Variants in NAV1 observed in about 807,000 individuals in gnomAD.
The protein encoded by NAV1 is pore membrane and/or filament interacting like protein 3.
NAV1 carries 18 observed loss-of-function variants against 175.2 expected under a neutral mutation model. That is an observed-to-expected ratio of 0.10 (90% CI 0.07 to 0.15). The LOEUF (loss-of-function observed/expected upper bound fraction) is 0.15. Ranked by LOEUF, NAV1 falls within the 10% of genes least tolerant of loss-of-function variation. The probability of loss-of-function intolerance (pLI) is 1.00; values close to 1 mark genes in which losing one functional copy is unlikely to be tolerated. For synonymous variants in NAV1, 897 were observed against 978.7 expected, an observed-to-expected ratio of 0.92 and a Z score of 1.56; for missense variants, 1,731 against 2,436.6, an observed-to-expected ratio of 0.71 and a Z score of 6.10.
chr1:201,704,935 A>G (rs1367267103), intron 1 of NAV1, among the ~76,000 whole-genome samples: 1 of 152,166 alleles, frequency 6.6e-6, no homozygotes, highest in African/African-American at 2.4e-5. Flanking sequence ...GAAGTAATTC[A>G]CCCTAGCTCC....
At chr1:201,681,595 CTG>C (rs1255248056) in intron 1 of NAV1, among the ~76,000 whole-genome samples, 21 of 152,346 alleles carry the variant, frequency 1.4e-4, no homozygotes, top group African/African-American at 4.6e-4. Context: ...TTTCTGGCCT[CTG>C]TGTCTTGGAT....
At chr1:201,746,878 C>T (rs1673801573) in intron 3 of NAV1, among the ~76,000 whole-genome samples, 1 of 152,008 alleles carries the variant, frequency 6.6e-6, no homozygotes, top group South Asian at 2.1e-4. Context: ...GTGGCACACG[C>T]CTGTAGTTCC....
chr1:201,739,743 C>G (rs929000072), intron 3 of NAV1: 1 of 1,171,654 alleles, frequency 8.5e-7, no homozygotes, highest in Admixed American at 4.6e-5. Context: ...TCTACCTGCT[C>G]TGGGTGTTAA....
rs552785224 is a variant in NAV1 at position 201,677,864 on chromosome 1, A to T, written c.757+28439A>T. The stretch of plus-strand genomic sequence containing the variant: ...AGGCTGGTCTCAAACTTCTGAGCTC[A>T]AGCAGTTTGCCCACCTCGGCTTCCC... On this transcript the variant is annotated intron_variant, in intron 1 of 29. Transcript: ENST00000367296. Among the ~76,000 whole-genome samples, 8 of 152,196 alleles carry T rather than the reference A, an allele frequency of 5.3e-5. No homozygotes were observed. In the East Asian group the frequency reaches 1.6e-3, roughly 30 times the overall value.
chr1:201,742,371 T>G (rs1673478179), intron 3 of NAV1, among the ~76,000 whole-genome samples: 1 of 152,192 alleles, frequency 6.6e-6, no homozygotes, highest in Non-Finnish European at 1.5e-5. Flanking sequence ...GACCAGCTCT[T>G]GATGAGTGAG....
chr1:201,655,669 G>A (rs1022882132), intron 1 of NAV1, among the ~76,000 whole-genome samples: 3 of 152,208 alleles, frequency 2.0e-5, no homozygotes, highest in Non-Finnish European at 2.9e-5. Context: ...GAGATCGGGG[G>A]CAGACTGGGA....
At chr1:201,572,775 G>A (rs1411219970) in intron 1 of NAV1, among the ~76,000 whole-genome samples, 2 of 152,222 alleles carry the variant, frequency 1.3e-5, no homozygotes, top group African/African-American at 4.8e-5. Context: ...AGGCAGCTAA[G>A]TGGCCTGCTC....
chr1:201,801,756 G>T (rs1677880882), intron 15 of NAV1, among the ~76,000 whole-genome samples: 1 of 152,070 alleles, frequency 6.6e-6, no homozygotes, highest in Non-Finnish European at 1.5e-5. Context: ...AAATAAAAAG[G>T]ATTTTAAAAA....
chr1:201,762,730 G>A (rs903360457), intron 3 of NAV1, among the ~76,000 whole-genome samples: 1 of 152,196 alleles, frequency 6.6e-6, no homozygotes, highest in African/African-American at 2.4e-5. Flanking sequence ...ACTTTTCGGA[G>A]TATTGTCAAT....
Position 201,539,867 on chromosome 1 carries a change from C to T in NAV1, c.-144+525C>T, listed in dbSNP as rs989603839. Among the ~76,000 whole-genome samples the T allele has an allele frequency of 8.5e-5, 13 of 152,164 alleles. No individual in the cohort carries two copies. Among genetic ancestry groups the T allele is most frequent in the Non-Finnish European group, 1.3e-4 (9 of 68,032 alleles). On this transcript the variant is annotated intron_variant, in intron 1 of 33. Coordinates refer to the NAV1 transcript ENST00000685211. The surrounding 1 kb of genome is among the most constrained non-coding windows in gnomAD (Gnocchi z 5.6). Reference sequence around the variant, plus strand: ...GCCGTTCCAGAAAACGTTCCCCGCACCCCCGGGATGCGCCGGGAAGCGCCC... The same window carrying T: ...GCCGTTCCAGAAAACGTTCCCCGCATCCCCGGGATGCGCCGGGAAGCGCCC...
At chr1:201,653,932 C>A (rs1399967738) in intron 1 of NAV1, among the ~76,000 whole-genome samples, 1 of 152,246 alleles carries the variant, frequency 6.6e-6, no homozygotes, top group East Asian at 1.9e-4. Context: ...AATAATATTT[C>A]TTTTCTCACC....
rs140792094 is a variant in NAV1, at chr1:201,648,914, C to T, written c.246C>T (p.Ala82=). 1.1e-5 allele frequency: 17 copies of T among 1,612,818 alleles called. No homozygotes were observed. The Middle Eastern group carries it at 8.2e-4, about 78-fold the overall frequency. Reference sequence around the variant, plus strand: ...GCCGTGTCCCCGGCGGGCCGCCCGCCTCCAACCTGCGCAAGCAGAAGTCAC... The same window carrying T: ...GCCGTGTCCCCGGCGGGCCGCCCGCTTCCAACCTGCGCAAGCAGAAGTCAC... Residue 82 remains alanine, a synonymous_variant, in exon 1 of 30, where the codon GCC becomes GCT. Coordinates refer to ENST00000367296, the Ensembl canonical transcript of NAV1.
chr1:201,642,529 C>CTTTT lies in NAV1; in HGVS notation c.5-6102_5-6101insTTTT, dbSNP rs1553247060. On this transcript the variant is annotated intron_variant, in intron 2 of 29. Transcript: ENST00000367302. Reference sequence around the variant, plus strand: ...ACCCGGCCTCTTTCTTTCTTTTTTTCTTTCTTTCTTTCTTTCTTTCTTTCT... The same window carrying CTTTT: ...ACCCGGCCTCTTTCTTTCTTTTTTTCTTTTTTTCTTTCTTTCTTTCTTTCTTTCT... 2.3e-3 allele frequency among the ~76,000 whole-genome samples: 227 copies of CTTTT among 99,170 alleles called. 2 individuals carry two copies. Among genetic ancestry groups the CTTTT allele is most frequent in the African/African-American group, 8.9e-3 (181 of 20,340 alleles). 65.1% of individuals were successfully genotyped at this position (99,170 alleles called of 152,430 possible).
upstream of NAV1, among the ~76,000 whole-genome samples, chr1:201,643,375 T>C (rs190907128): frequency 1.1e-4 from 16 of 148,480 alleles, 1 homozygote; most frequent in African/African-American, 4.1e-4. Context: ...TTTCTTTCTT[T>C]CTTTTTCCTC....
At chr1:201,570,174 A>G (rs12087027) in intron 1 of NAV1, among the ~76,000 whole-genome samples, 30,256 of 151,854 alleles carry the variant, frequency 0.2, 3,443 homozygotes, top group African/African-American at 0.32. Flanking sequence ...AAGGAAGCAG[A>G]CTCTCTCCCC....
intron 1 of NAV1, among the ~76,000 whole-genome samples, chr1:201,548,730 A>C (rs959953386): frequency 6.6e-6 from 1 of 152,258 alleles, no homozygotes; most frequent in Non-Finnish European, 1.5e-5. Context: ...TCAAAGGTAC[A>C]AGATAACTCA....
At chr1:201,567,889 G>T (rs1026485185) in intron 1 of NAV1, among the ~76,000 whole-genome samples, 1 of 152,082 alleles carries the variant, frequency 6.6e-6, no homozygotes, top group Non-Finnish European at 1.5e-5. Flanking sequence ...TCTCTATGTG[G>T]CACGGAGCAA....
intron 3 of NAV1, among the ~76,000 whole-genome samples, chr1:201,768,467 G>C (rs556721215): frequency 2.7e-4 from 41 of 151,938 alleles, no homozygotes; most frequent in African/African-American, 8.2e-4. Context: ...GTGAAACCCT[G>C]TGTCTACAAA....
intron 2 of NAV1, 166 bp downstream of exon 4, chr1:201,629,673 G>T (rs986530375): frequency 5.1e-6 from 2 of 391,866 alleles, no homozygotes; most frequent in East Asian, 1.9e-4. Context: ...CTCAACCCAG[G>T]GTTGGTCCAT....
Sources: gnomAD v4.1 joint callset for allele counts (sites outside exome capture counted in the v4.1 genomes callset) on GRCh38, gnomAD v4.1.1 for gene constraint, Gnocchi (gnomAD v3.1) non-coding constraint, MANE v1.5 for transcripts, NCBI Gene and HGNC (gene_info 2026-07-23, HGNC 2026-07-21) for gene names.